The following DNAJA2 variants were observed in gnomAD, a reference collection of about 807,000 sequenced individuals.
DNAJA2 encodes DnaJ heat shock protein family (Hsp40) member A2.
DNAJA2 carries 6 observed loss-of-function variants against 49.3 expected under a neutral mutation model. The observed-to-expected ratio is 0.12, with a 90% CI of 0.07 to 0.24. The LOEUF (loss-of-function observed/expected upper bound fraction) is 0.24, where lower values mean the gene tolerates loss of function less well. Ranked by LOEUF, DNAJA2 falls within the 10% of genes least tolerant of loss-of-function variation. The pLI, the probability that DNAJA2 is intolerant of heterozygous loss-of-function variation, is 1.00. For missense variants in DNAJA2, 347 were observed against 516.8 expected (o/e 0.67, Z 3.19); for synonymous variants, 160 against 172.7 (o/e 0.93, Z 0.58).
intron 8 of DNAJA2, among the ~76,000 whole-genome samples, chr16:46,958,056 C>T (rs961254700): frequency 6.6e-6 from 1 of 152,168 alleles, no homozygotes; most frequent in Non-Finnish European, 1.5e-5. Context: ...AACTTGAAGT[C>T]GGCTGGGTGC....
At chr16:46,959,168 A>C in intron 7 of DNAJA2, 38 bp from the exon 8 acceptor site, 1 of 1,577,602 alleles carries the variant, frequency 6.3e-7, no homozygotes, top group Non-Finnish European at 8.6e-7. Context: ...ATTTTACCCA[A>C]AAGAGGTGTT....
chr16:46,973,609 G>T lies in DNAJA2; in HGVS notation c.-37C>A. 6.3e-7 allele frequency: 1 copy of T among 1,582,098 alleles called. No homozygotes were observed. The highest frequency in any genetic ancestry group is 1.4e-5 in the African/African-American group (1 of 72,866). On this transcript the variant is annotated 5_prime_UTR_variant, in exon 1 of 9. Transcript: ENST00000317089. ...GGGCAGTGCTCGGGGAGAAGGTGGCGAAGCAGACAGAGCGGAGTCGGGCCC... is the reference window on the plus strand; with the variant it reads ...GGGCAGTGCTCGGGGAGAAGGTGGCTAAGCAGACAGAGCGGAGTCGGGCCC...
At chr16:46,971,772 CATT>C in intron 2 of DNAJA2, 121 bp downstream of exon 2, 1 of 976,806 alleles carries the variant, frequency 1.0e-6, no homozygotes, top group South Asian at 1.3e-5. Context: ...ATACTCTTGA[CATT>C]ATGAAAATGT....
intron 6 of DNAJA2, 91 bp from the exon 7 acceptor site, chr16:46,959,510 TTA>T (rs1251044337): frequency 6.4e-6 from 8 of 1,250,778 alleles, no homozygotes; most frequent in Non-Finnish European, 9.0e-6. Context: ...TTTCAAAACC[TTA>T]TTTCTACCAC....
At chr16:46,969,295 C>G (rs1567354757) in intron 3 of DNAJA2, among the ~76,000 whole-genome samples, 1 of 152,214 alleles carries the variant, frequency 6.6e-6, no homozygotes, top group African/African-American at 2.4e-5. Context: ...AAGAATACCA[C>G]ACGTATGGAC....
chr16:46,969,986 C>A (rs1962022453), intron 3 of DNAJA2, among the ~76,000 whole-genome samples: 1 of 152,074 alleles, frequency 6.6e-6, no homozygotes, highest in African/African-American at 2.4e-5. Context: ...ATGTTAATTT[C>A]TGAGGGTAAA....
At position 46,956,327 on chromosome 16, in the gene DNAJA2, G is replaced by C. The variant is rs1961809862; in HGVS notation, c.*702C>G. 6.6e-6 allele frequency: 1 copy of C among 151,482 alleles called. No homozygotes were observed. The highest frequency in any genetic ancestry group is 1.5e-5 in the Non-Finnish European group (1 of 68,028). The allele number at this position is 151,482 out of a possible 1,614,324, so 9.4% of individuals were successfully genotyped here. ...GTTTTTATGGGCTGTTTAAGAACCA[G>C]TACTAAGGATACATTCTTTTATGTT... On this transcript the variant is annotated 3_prime_UTR_variant, in exon 9 of 9. Transcript: ENST00000317089.
At chr16:46,967,397 TTTTC>T in intron 5 of DNAJA2, 112 bp downstream of exon 5, 1 of 1,354,964 alleles carries the variant, frequency 7.4e-7, no homozygotes, top group Non-Finnish European at 9.8e-7. Context: ...CCGGCCTCCT[TTTTC>T]TTTAATAAGA....
At chr16:46,959,555 T>C (rs1961865278) in intron 6 of DNAJA2, 136 bp from the exon 7 acceptor site, 1 of 761,074 alleles carries the variant, frequency 1.3e-6, no homozygotes, top group African/African-American at 1.8e-5. Context: ...CTGTCCCTAG[T>C]GCCCTAAACC....
intron 8 of DNAJA2, among the ~76,000 whole-genome samples, 159 bp from the exon 9 acceptor site, chr16:46,957,379 C>A (rs1032718023): frequency 6.6e-6 from 1 of 151,980 alleles, no homozygotes; most frequent in African/African-American, 2.4e-5. Context: ...CTGAGGCGGG[C>A]GGATAATGAG....
Position 46,968,235 on chromosome 16 carries a change from T to C in DNAJA2, c.363-71A>G, listed in dbSNP as rs187833964. ...TCAAATACAAGATATAAGTAACAGC[T>C]GATACAGCAAATTCGTTATCAACTT... On this transcript the variant is annotated intron_variant, in intron 3 of 8. Transcript: ENST00000317089. 35 of 1,001,794 alleles carry C rather than the reference T, an allele frequency of 3.5e-5. No individual in the cohort carries two copies. In the East Asian group the frequency reaches 8.5e-4, roughly 24 times the overall value. 62.1% of individuals were successfully genotyped at this position (1,001,794 alleles called of 1,614,324 possible).
At chr16:46,962,352 T>C (rs1294988262) in intron 6 of DNAJA2, among the ~76,000 whole-genome samples, 3 of 152,196 alleles carry the variant, frequency 2.0e-5, no homozygotes, top group African/African-American at 7.2e-5. Context: ...AAAAAGGTTT[T>C]ACCATCAGTT....
intron 7 of DNAJA2, 24 bp downstream of exon 7, chr16:46,959,251 G>C (rs748834096): frequency 6.3e-7 from 1 of 1,594,566 alleles, no homozygotes; most frequent in East Asian, 2.2e-5. Flanking sequence ...TTGAAAACCA[G>C]AATCGGACAA....
At chr16:46,960,285 T>C (rs574586544) in intron 6 of DNAJA2, among the ~76,000 whole-genome samples, 1 of 152,342 alleles carries the variant, frequency 6.6e-6, no homozygotes, top group East Asian at 1.9e-4. Flanking sequence ...GGAACACATA[T>C]TCTTGGGCCC....
chr16:46,972,013 T>A (rs972604933), intron 1 of DNAJA2, 58 bp from the exon 2 acceptor site: 2 of 1,128,510 alleles, frequency 1.8e-6, no homozygotes, highest in Non-Finnish European at 2.7e-6. Flanking sequence ...AAAAGTTTTG[T>A]AATAACTTAA....
chr16:46,958,077 G>A (rs537827663), intron 8 of DNAJA2, among the ~76,000 whole-genome samples: 75 of 152,248 alleles, frequency 4.9e-4, no homozygotes, highest in African/African-American at 1.2e-3. Context: ...AGTGGCTCAC[G>A]ACTGCAATCC....
At position 46,967,453 on chromosome 16, in the gene DNAJA2, C is replaced by T. The variant is rs1342033081; in HGVS notation, c.577+60G>A. 3 of 1,603,778 alleles carry T rather than the reference C, an allele frequency of 1.9e-6. No homozygotes were observed. The East Asian group carries it at 6.7e-5, about 36-fold the overall frequency. On this transcript the variant is annotated intron_variant, in intron 5 of 8. Coordinates refer to ENST00000317089, the MANE Select transcript of DNAJA2 (RefSeq NM_005880.4). ...TTGAAATAAAAAATTGTAAACCTCT[C>T]CAATATCTGCATTCCCAATCCATTC...
At chr16:46,960,073 C>G (rs1255657692) in intron 6 of DNAJA2, among the ~76,000 whole-genome samples, 1 of 152,252 alleles carries the variant, frequency 6.6e-6, no homozygotes, top group Non-Finnish European at 1.5e-5. Context: ...CACGCCCAAC[C>G]TGCAATTTTT....
chr16:46,967,752 T>C (rs1231229351), intron 4 of DNAJA2, 106 bp from the exon 5 acceptor site: 17 of 1,441,222 alleles, frequency 1.2e-5, no homozygotes, highest in African/African-American at 1.4e-5. Flanking sequence ...CCCCAATAAC[T>C]TGTATTTAAA....
Sources: allele counts gnomAD v4.1 joint callset (sites outside exome capture counted in the v4.1 genomes callset), GRCh38; gene constraint gnomAD v4.1.1; transcripts MANE v1.5; gene names NCBI Gene and HGNC (gene_info 2026-07-23, HGNC 2026-07-21).